The following MCF2L2 variants were observed in gnomAD, a reference collection of about 807,000 sequenced individuals.
MCF2L2 encodes MCF.2 cell line derived transforming sequence-like 2.
A neutral mutation model predicts 150.2 loss-of-function variants in MCF2L2; 102 were observed. The observed-to-expected ratio is 0.68, with a 90% CI of 0.58 to 0.80. The LOEUF is 0.80. Among genes scored for constraint, MCF2L2 ranks in the 30% least tolerant of loss-of-function variants. The pLI is 0.00. For missense variants in MCF2L2, 1,256 were observed against 1,372.8 expected, an observed-to-expected ratio of 0.91 and a Z score of 1.34; for synonymous variants, 465 against 491.3, an observed-to-expected ratio of 0.95 and a Z score of 0.71.
At chr3:183,294,675 A>C (rs183489442) in intron 13 of MCF2L2, among the ~76,000 whole-genome samples, 2,455 of 130,390 alleles carry the variant, frequency 0.019, 54 homozygotes, top group East Asian at 0.053. Flanking sequence ...GTCACCCAGG[A>C]TGGAGTGCAG....
At chr3:183,263,936 C>A (rs910712278) in intron 15 of MCF2L2, among the ~76,000 whole-genome samples, 1 of 152,142 alleles carries the variant, frequency 6.6e-6, no homozygotes, top group Non-Finnish European at 1.5e-5. Context: ...ATTTCCACCA[C>A]CCTCGACTAG....
At position 183,341,944 on chromosome 3, in the gene MCF2L2, G is replaced by C. The variant is rs118022834; in HGVS notation, c.276-314C>G. Among the ~76,000 whole-genome samples the C allele has an allele frequency of 1.0e-3, 158 of 152,316 alleles. 1 individual carries two copies. In the East Asian group the frequency reaches 0.023, roughly 22 times the overall value. ...ATCACATATTCCCAATGTAGGCGGA[G>C]GACCTTGAGGTTGAGCTCTGCCATC... On this transcript the variant is annotated intron_variant, in intron 3 of 29. Transcript: ENST00000328913.
At chr3:183,349,050 T>G (rs946319752) in intron 3 of MCF2L2, among the ~76,000 whole-genome samples, 4 of 152,224 alleles carry the variant, frequency 2.6e-5, no homozygotes, top group Non-Finnish European at 5.9e-5. Flanking sequence ...ATGGAATATT[T>G]AACAAGATAG....
intron 15 of MCF2L2, among the ~76,000 whole-genome samples, chr3:183,249,294 C>T (rs1198264467): frequency 6.6e-6 from 1 of 152,132 alleles, no homozygotes; most frequent in East Asian, 1.9e-4. Flanking sequence ...AATGCTGAGA[C>T]ACTCACTGCC....
At chr3:183,186,425 T>TA (rs1300750004) in intron 27 of MCF2L2, among the ~76,000 whole-genome samples, 4 of 152,256 alleles carry the variant, frequency 2.6e-5, no homozygotes, top group East Asian at 3.9e-4. Context: ...AGCTAATTTT[T>TA]AAAAAAAATT....
At chr3:183,210,472 A>G (rs1391101939) in intron 22 of MCF2L2, among the ~76,000 whole-genome samples, 3 of 152,248 alleles carry the variant, frequency 2.0e-5, no homozygotes, top group African/African-American at 7.2e-5. Flanking sequence ...AGCTATTCCT[A>G]CTAAGACATA....
rs3056448 is a variant in MCF2L2 at position 183,178,470 on chromosome 3, A to AAAATAAAT, written c.*902_*909dup. On this transcript the variant is annotated 3_prime_UTR_variant, in exon 30 of 30. Transcript: ENST00000328913. ...GCGACAGAGCGAGACTCCGTCTCGA[A>AAAATAAAT]AAATAAATAAATAAATAAATAAATA... The AAAATAAAT allele has an allele frequency of 4.5e-4, 67 of 150,530 alleles. No individual in the cohort carries two copies. The highest frequency in any genetic ancestry group is 1.5e-3 in the African/African-American group (60 of 40,962). The allele number at this position is 150,530 out of a possible 1,614,324, so 9.3% of individuals were successfully genotyped here. A position where few individuals can be genotyped will look rare whatever the true frequency, so the allele number is the denominator to read the frequency against.
chr3:183,353,006 A>T (rs540763746), intron 3 of MCF2L2, among the ~76,000 whole-genome samples: 1 of 152,378 alleles, frequency 6.6e-6, no homozygotes, highest in African/African-American at 2.4e-5. Context: ...AACGATGAGA[A>T]GGAACATGGG....
intron 1 of MCF2L2, among the ~76,000 whole-genome samples, chr3:183,405,958 GC>G (rs1403914742): frequency 2.0e-4 from 31 of 152,214 alleles, no homozygotes; most frequent in African/African-American, 7.5e-4. Flanking sequence ...TAAGTGATCT[GC>G]CTGCCTCAGC....
chr3:183,297,690 CTT>C (rs1728608445), intron 11 of MCF2L2: 1 of 131,526 alleles, frequency 7.6e-6, no homozygotes. Context: ...CTCTGTCTCT[CTT>C]TCTTTCTTTC....
intron 15 of MCF2L2, among the ~76,000 whole-genome samples, chr3:183,275,042 C>T (rs1302843406): frequency 1.3e-5 from 2 of 151,976 alleles, no homozygotes; most frequent in East Asian, 3.9e-4. Context: ...AGTTGGTTTC[C>T]CTTGCCAAGA....
At chr3:183,335,559 T>A (rs79957596) in intron 5 of MCF2L2, among the ~76,000 whole-genome samples, 7,639 of 152,028 alleles carry the variant, frequency 0.05, 214 homozygotes, top group East Asian at 0.12. Flanking sequence ...TGGATGGGAT[T>A]AACACCCTTA....
intron 15 of MCF2L2, among the ~76,000 whole-genome samples, chr3:183,233,905 T>G (rs887079316): frequency 6.6e-6 from 1 of 152,210 alleles, no homozygotes; most frequent in Admixed American, 6.5e-5. Context: ...TATTCTTTCT[T>G]ATAATCATTT....
intron 13 of MCF2L2, among the ~76,000 whole-genome samples, chr3:183,291,434 G>T (rs898014976): frequency 2.4e-4 from 37 of 152,210 alleles, no homozygotes; most frequent in East Asian, 1.9e-4. Flanking sequence ...GAAGAATGTA[G>T]ATCATATACA....
chr3:183,309,633 C>T (rs1309263556), intron 10 of MCF2L2, 83 bp downstream of exon 10: 13 of 1,583,714 alleles, frequency 8.2e-6, no homozygotes, highest in African/African-American at 1.3e-5. Flanking sequence ...CTTTAGCAAC[C>T]TTCCAATAGC....
chr3:183,339,574 G>A (rs1178023307), intron 4 of MCF2L2, among the ~76,000 whole-genome samples: 5 of 152,084 alleles, frequency 3.3e-5, no homozygotes, highest in Non-Finnish European at 5.9e-5. Context: ...CAAAGAGTTC[G>A]TATTTTAAGT....
At chr3:183,282,137 T>C (rs1404032102) in intron 14 of MCF2L2, among the ~76,000 whole-genome samples, 2 of 151,774 alleles carry the variant, frequency 1.3e-5, no homozygotes, top group East Asian at 1.9e-4. Context: ...TCAATTTACT[T>C]ACTGGTTAAA....
rs139262356 is a variant in MCF2L2 at position 183,390,838 on chromosome 3, C to T, written c.77-1059G>A. Among the ~76,000 whole-genome samples, 86 of 152,200 alleles carry T rather than the reference C, an allele frequency of 5.7e-4. No individual in the cohort carries two copies. In the East Asian group the frequency reaches 6.8e-3, roughly 12 times the overall value. The stretch of plus-strand genomic sequence containing the variant: ...CTTGAGTCTAGGAGTTTGAGGCTGT[C>T]GTTAGCCATGACTGTGCCACTGCAC... On this transcript the variant is annotated intron_variant, in intron 1 of 29. Transcript: ENST00000328913.
intron 7 of MCF2L2, among the ~76,000 whole-genome samples, chr3:183,316,738 C>T (rs1243234325): frequency 6.6e-6 from 1 of 151,994 alleles, no homozygotes; most frequent in Non-Finnish European, 1.5e-5. Flanking sequence ...TGGAGTCTCG[C>T]TCTGTCACCC....
Sources: gnomAD v4.1 joint callset for allele counts (sites outside exome capture counted in the v4.1 genomes callset) on GRCh38, gnomAD v4.1.1 for gene constraint, MANE v1.5 for transcripts, NCBI Gene and HGNC (gene_info 2026-07-23, HGNC 2026-07-21) for gene names.